The following EXOC6 variants were observed in gnomAD, a reference collection of about 807,000 sequenced individuals.
The protein encoded by EXOC6 is SEC15-like 1.
A neutral mutation model predicts 112.5 loss-of-function variants in EXOC6; 60 were observed. That is an observed-to-expected ratio of 0.53 (90% CI 0.43 to 0.66). EXOC6 has a LOEUF of 0.66. Ranked by LOEUF, EXOC6 falls within the 30% of genes least tolerant of loss-of-function variation. The pLI, the probability that EXOC6 is intolerant of heterozygous loss-of-function variation, is 0.00. For synonymous variants in EXOC6, 295 were observed against 308.0 expected (o/e 0.96, Z 0.44); for missense variants, 855 against 957.1 (o/e 0.89, Z 1.41).
chr10:92,988,839 A>ACACACACACACG (rs939938926), intron 18 of EXOC6, among the ~76,000 whole-genome samples: 3 of 145,322 alleles, frequency 2.1e-5, no homozygotes, highest in Non-Finnish European at 3.0e-5. Context: ...ACACACACAC[A>ACACACACACACG]CGCATTTCTG....
At chr10:92,968,449 C>G (rs762079932) in intron 17 of EXOC6, among the ~76,000 whole-genome samples, 3 of 152,076 alleles carry the variant, frequency 2.0e-5, no homozygotes, top group Non-Finnish European at 4.4e-5. Context: ...GCCTCCCAAA[C>G]TGCTGGGATT....
At chr10:93,002,475 A>AT (rs141045032) in intron 19 of EXOC6, among the ~76,000 whole-genome samples, 1,580 of 152,254 alleles carry the variant, frequency 0.01, 29 homozygotes, top group African/African-American at 0.036. Flanking sequence ...AGAAATGCAA[A>AT]TCTTGGGCCC....
At chr10:92,935,693 TTA>T in intron 11 of EXOC6, 119 bp from the exon 12 acceptor site, 1 of 753,634 alleles carries the variant, frequency 1.3e-6, no homozygotes, top group Non-Finnish European at 2.2e-6. Context: ...AATTTTAAAC[TTA>T]TTATAAGTCT....
rs753111452 is a variant in EXOC6 at position 92,955,619 on chromosome 10, G to A, written c.1678G>A (p.Ala560Thr). Residue 560 changes from alanine (A) to threonine (T), a missense_variant, in exon 17 of 22, where the codon GCT becomes ACT. Physicochemically the swap from Ala to Thr is moderately conservative, Grantham distance 58 (BLOSUM62 0). Around this residue, in one of 2 missense-constraint regions of EXOC6, gnomAD observed 450 missense variants for 563.5 expected, o/e 0.80. Transcript: ENST00000260762. ...CATAAACACAACACACCTGGAGCAA[G>A]CTTGTAAATATCTTGAGGACTTTAT... ...IIINTTHLEQ[A>T]CKYLEDFITN... 12 of 1,611,492 alleles carry A rather than the reference G, an allele frequency of 7.4e-6. No individual in the cohort carries two copies. The African/African-American group carries it at 1.6e-4, about 22-fold the overall frequency.
intron 6 of EXOC6, among the ~76,000 whole-genome samples, chr10:92,911,923 CTCTCTCTCT>C (rs1444103586): frequency 8.6e-5 from 11 of 127,542 alleles, no homozygotes; most frequent in African/African-American, 3.4e-4. Context: ...CTCTCTCTCT[CTCTCTCTCT>C]GTGTGCGTGT....
At chr10:92,892,379 G>T (rs1389044619) in intron 1 of EXOC6, among the ~76,000 whole-genome samples, 1 of 152,192 alleles carries the variant, frequency 6.6e-6, no homozygotes, top group African/African-American at 2.4e-5. Context: ...GTGGTAACAC[G>T]CATGGAGTAT....
At chr10:92,936,379 T>A (rs1051843518) in intron 12 of EXOC6, among the ~76,000 whole-genome samples, 1 of 152,256 alleles carries the variant, frequency 6.6e-6, no homozygotes, top group Non-Finnish European at 1.5e-5. Context: ...AATATGATAC[T>A]TTGTATGAAA....
intron 18 of EXOC6, among the ~76,000 whole-genome samples, chr10:92,976,667 A>C: frequency 6.7e-6 from 1 of 148,524 alleles, no homozygotes; most frequent in East Asian, 2.0e-4. Flanking sequence ...GTAAAAAAAA[A>C]AATAATAAAT....
chr10:92,975,324 G>A (rs957492882), intron 18 of EXOC6, among the ~76,000 whole-genome samples: 3 of 150,588 alleles, frequency 2.0e-5, no homozygotes, highest in Non-Finnish European at 4.4e-5. Flanking sequence ...GAGACCCTCT[G>A]CCTGGCAACC....
intron 1 of EXOC6, among the ~76,000 whole-genome samples, chr10:92,852,701 T>G (rs78586043): frequency 0.091 from 13,810 of 152,150 alleles, 802 homozygotes; most frequent in Admixed American, 0.17. Flanking sequence ...GAGAAAGCAT[T>G]GACAAAATCG....
intron 1 of EXOC6, among the ~76,000 whole-genome samples, chr10:92,854,427 C>T (rs531503180): frequency 1.7e-4 from 26 of 150,402 alleles, no homozygotes; most frequent in Non-Finnish European, 2.7e-4. Context: ...CAGAATGAGA[C>T]TCCATCTCAA....
At chr10:92,975,752 G>GC (rs1322780257) in intron 18 of EXOC6, among the ~76,000 whole-genome samples, 1 of 131,972 alleles carries the variant, frequency 7.6e-6, no homozygotes, top group South Asian at 2.5e-4. Context: ...CGGGGGGCCA[G>GC]CCCCCCGCCG....
intron 20 of EXOC6, among the ~76,000 whole-genome samples, chr10:93,048,998 A>G (rs1846143772): frequency 6.6e-6 from 1 of 152,164 alleles, no homozygotes; most frequent in African/African-American, 2.4e-5. Context: ...TCCTAGATAT[A>G]TACCCAAGAG....
In EXOC6 at chr10:92,948,196, G is replaced by T. The variant is rs893979906; in HGVS notation, c.1311-78G>T. The T allele has an allele frequency of 1.8e-5, 16 of 889,738 alleles. No individual in the cohort carries two copies. The Admixed American group carries it at 2.2e-4, about 12-fold the overall frequency. The allele number at this position is 889,738 out of a possible 1,614,324, so 55.1% of individuals were successfully genotyped here. On this transcript the variant is annotated intron_variant, in intron 13 of 21. Coordinates refer to ENST00000260762, the MANE Select transcript of EXOC6 (RefSeq NM_019053.6). ...AAAAACTGCTTTTGTAATAGTTGGGGTTTTTTAAGGTATTGTCTTTTAGTA... is the reference window on the plus strand; with the variant it reads ...AAAAACTGCTTTTGTAATAGTTGGGTTTTTTTAAGGTATTGTCTTTTAGTA...
chr10:92,848,268 A>T (rs1344536202), upstream of EXOC6, among the ~76,000 whole-genome samples: 4 of 152,116 alleles, frequency 2.6e-5, no homozygotes, highest in Non-Finnish European at 5.9e-5. Context: ...CAAGACGCCC[A>T]GGAGGGACTA....
chr10:92,899,225 T>G (rs1275405115), intron 4 of EXOC6, among the ~76,000 whole-genome samples: 1 of 152,190 alleles, frequency 6.6e-6, no homozygotes, highest in East Asian at 1.9e-4. Flanking sequence ...ACTTTCTCTC[T>G]CAAATAACTA....
At chr10:92,848,657 A>G in intron 1 of EXOC6, 23 bp downstream of exon 1, 1 of 1,335,274 alleles carries the variant, frequency 7.5e-7, no homozygotes, top group South Asian at 1.5e-5. Context: ...TCCCACCGGG[A>G]CTTCGGCCCC....
At chr10:92,941,944 G>A (rs1852690654) in intron 13 of EXOC6, among the ~76,000 whole-genome samples, 1 of 151,914 alleles carries the variant, frequency 6.6e-6, no homozygotes, top group Admixed American at 6.6e-5. Flanking sequence ...TCAATCTTGA[G>A]GTTTTACATC....
At chr10:92,978,770 T>G (rs973771477) in intron 18 of EXOC6, among the ~76,000 whole-genome samples, 18 of 152,350 alleles carry the variant, frequency 1.2e-4, no homozygotes, top group Admixed American at 1.1e-3. Context: ...AATTCTGGCC[T>G]TCTTTAACCC....
Sources: allele counts gnomAD v4.1 joint callset (sites outside exome capture counted in the v4.1 genomes callset), GRCh38; gene constraint gnomAD v4.1.1; regional missense constraint gnomAD v4.1.1; transcripts MANE v1.5; gene names NCBI Gene and HGNC (gene_info 2026-07-23, HGNC 2026-07-21).